The following STPG2 variants were observed in gnomAD, a reference collection of about 807,000 sequenced individuals.
The protein encoded by STPG2 is sperm tail PG-rich repeat containing 2, also known as sperm-tail PG-rich repeat-containing protein 2.
STPG2 carries 56 observed loss-of-function variants against 54.2 expected under a neutral mutation model. That is an observed-to-expected ratio of 1.03 (90% CI 0.83 to 1.29). STPG2 has a LOEUF of 1.29. Among genes scored for constraint, STPG2 ranks in the 50% most tolerant of loss-of-function variants. The probability of loss-of-function intolerance (pLI) is 0.00; values close to 1 mark genes in which losing one functional copy is unlikely to be tolerated. For synonymous variants in STPG2, 200 were observed against 181.8 expected (o/e 1.10, Z -0.81); for missense variants, 596 against 544.9 (o/e 1.09, Z -0.93).
At chr4:97,599,833 A>AAAAAAAAAAAG (rs542582284) in intron 10 of STPG2, among the ~76,000 whole-genome samples, 2 of 147,168 alleles carry the variant, frequency 1.4e-5, no homozygotes, top group African/African-American at 5.4e-5. Flanking sequence ...CAAAAAAAAA[A>AAAAAAAAAAAG]AAAAGAAAAG....
chr4:97,856,794 T>C (rs1029817776), intron 8 of STPG2, among the ~76,000 whole-genome samples: 4 of 152,204 alleles, frequency 2.6e-5, no homozygotes. Flanking sequence ...TGGCTGTGGG[T>C]TTGTCATACA....
At chr4:97,960,488 G>C (rs930077734) in intron 7 of STPG2, among the ~76,000 whole-genome samples, 1 of 151,128 alleles carries the variant, frequency 6.6e-6, no homozygotes, top group African/African-American at 2.4e-5. Context: ...ACTGGTAAAA[G>C]AATTCAGCAA....
At chr4:97,818,976 A>C (rs1728000603) in intron 9 of STPG2, among the ~76,000 whole-genome samples, 1 of 147,732 alleles carries the variant, frequency 6.8e-6, no homozygotes, top group Non-Finnish European at 1.5e-5. Context: ...ATATAATATA[A>C]ATAAATATAT....
intron 10 of STPG2, among the ~76,000 whole-genome samples, chr4:97,639,809 T>G (rs1460529293): frequency 6.6e-6 from 1 of 151,868 alleles, no homozygotes; most frequent in Non-Finnish European, 1.5e-5. Context: ...AAAGGAACCA[T>G]TTGGGAATAT....
chr4:97,955,222 T>A (rs2149243503), intron 7 of STPG2, among the ~76,000 whole-genome samples: 1 of 151,482 alleles, frequency 6.6e-6, no homozygotes, highest in South Asian at 2.1e-4. Flanking sequence ...AATTTTTTTT[T>A]TTTTTTTTTT....
intron 3 of STPG2, among the ~76,000 whole-genome samples, chr4:98,119,437 T>A (rs928078825): frequency 4.6e-5 from 7 of 152,050 alleles, no homozygotes; most frequent in African/African-American, 1.7e-4. Context: ...AATTAAGAGA[T>A]TCTAAAGAGA....
At chr4:97,813,070 A>G (rs994944112) in intron 9 of STPG2, among the ~76,000 whole-genome samples, 1 of 151,912 alleles carries the variant, frequency 6.6e-6, no homozygotes, top group Non-Finnish European at 1.5e-5. Context: ...AAATATCCCA[A>G]TCTTAACTCT....
chr4:97,795,118 T>C (rs979321055), intron 9 of STPG2, among the ~76,000 whole-genome samples: 1 of 152,228 alleles, frequency 6.6e-6, no homozygotes, highest in Non-Finnish European at 1.5e-5. Context: ...TCTGAATTTC[T>C]ATGATTATAT....
chr4:97,694,428 T>C (rs914257928), intron 10 of STPG2, among the ~76,000 whole-genome samples: 5 of 148,116 alleles, frequency 3.4e-5, no homozygotes, highest in African/African-American at 1.2e-4. Context: ...TTCCTGGAAA[T>C]ATAAGACCCT....
intron 8 of STPG2, among the ~76,000 whole-genome samples, chr4:97,851,381 A>G (rs1004621795): frequency 3.3e-5 from 5 of 152,144 alleles, no homozygotes; most frequent in African/African-American, 1.2e-4. Flanking sequence ...CTTTTTGTTT[A>G]GCCTTGTTGT....
chr4:98,022,978 C>T (rs951895642), intron 5 of STPG2, among the ~76,000 whole-genome samples: 7 of 152,200 alleles, frequency 4.6e-5, no homozygotes, highest in East Asian at 1.9e-4. Context: ...TCCTGTAGCT[C>T]GGAGTAGTTT....
chr4:97,851,714 T>C (rs898330294), intron 8 of STPG2, among the ~76,000 whole-genome samples: 1 of 152,158 alleles, frequency 6.6e-6, no homozygotes, highest in Non-Finnish European at 1.5e-5. Flanking sequence ...TGTCTCCAGG[T>C]AGTTAAATTT....
At chr4:98,133,583 AATG>A (rs1322658635) in intron 2 of STPG2, among the ~76,000 whole-genome samples, 41 of 152,216 alleles carry the variant, frequency 2.7e-4, no homozygotes, top group African/African-American at 9.4e-4. Flanking sequence ...AAATAACTTT[AATG>A]ATTTATTTTA....
intron 5 of STPG2, among the ~76,000 whole-genome samples, chr4:98,017,713 C>T (rs189155145): frequency 6.6e-6 from 1 of 152,238 alleles, no homozygotes; most frequent in East Asian, 1.9e-4. Flanking sequence ...CTGTCCCTAC[C>T]CAAATCTCAT....
intron 9 of STPG2, among the ~76,000 whole-genome samples, chr4:97,788,912 A>C (rs1726908042): frequency 6.6e-6 from 1 of 152,076 alleles, no homozygotes. Context: ...TCTTGAACGT[A>C]AATAAAGAAT....
chr4:97,645,896 G>C (rs1209508548), intron 10 of STPG2, among the ~76,000 whole-genome samples: 1 of 152,062 alleles, frequency 6.6e-6, no homozygotes, highest in Non-Finnish European at 1.5e-5. Flanking sequence ...TTAGTGAAAA[G>C]ACAACACAGT....
intron 10 of STPG2, among the ~76,000 whole-genome samples, chr4:97,686,250 TTC>T (rs70953081): frequency 5.9e-4 from 88 of 148,098 alleles, no homozygotes; most frequent in Middle Eastern, 3.4e-3. Context: ...CTTTTCCTCT[TTC>T]TCTCTCTCTC....
intron 7 of STPG2, among the ~76,000 whole-genome samples, chr4:97,944,870 C>T (rs1733142644): frequency 6.6e-6 from 1 of 152,046 alleles, no homozygotes; most frequent in Non-Finnish European, 1.5e-5. Flanking sequence ...CACTTTTTTC[C>T]ACATGATATT....
intron 9 of STPG2, among the ~76,000 whole-genome samples, chr4:97,814,709 G>T (rs1043297716): frequency 2.5e-4 from 38 of 152,200 alleles, no homozygotes; most frequent in African/African-American, 9.2e-4. Flanking sequence ...CTAATCAGCT[G>T]CCAGCATGGA....
Sources: allele counts gnomAD v4.1 joint callset (sites outside exome capture counted in the v4.1 genomes callset), GRCh38; gene constraint gnomAD v4.1.1; transcripts MANE v1.5; gene names NCBI Gene and HGNC (gene_info 2026-07-23, HGNC 2026-07-21).